Variants in LAT2 observed in about 807,000 individuals in gnomAD.
The protein encoded by LAT2 is linker for activation of T cells family member 2, also known as linker for activation of T-cells family member 2.
Under a neutral mutation model 43.4 loss-of-function variants are expected in LAT2, and 23 were observed. The observed-to-expected ratio is 0.53, with a 90% CI of 0.38 to 0.75. The LOEUF (loss-of-function observed/expected upper bound fraction) is 0.75, where lower values mean the gene tolerates loss of function less well. LAT2 is among the 30% of genes least tolerant of loss of function. The probability of loss-of-function intolerance (pLI) is 0.00; values close to 1 mark genes in which losing one functional copy is unlikely to be tolerated. For missense variants in LAT2, 284 were observed against 310.2 expected (o/e 0.92, Z 0.64); for synonymous variants, 128 against 123.2 (o/e 1.04, Z -0.26).
intron 13 of LAT2, among the ~76,000 whole-genome samples, chr7:74,227,895 G>A (rs1802547977): frequency 6.6e-6 from 1 of 151,706 alleles, no homozygotes; most frequent in Admixed American, 6.6e-5. Context: ...AAAAGAAGAG[G>A]CCAGGCGCAG....
intron 1 of LAT2, among the ~76,000 whole-genome samples, chr7:74,213,296 CT>C (rs1801794024): frequency 1.3e-5 from 2 of 149,240 alleles, no homozygotes; most frequent in South Asian, 2.1e-4. Context: ...TTTTTGTATT[CT>C]TTTTTAGTAG....
chr7:74,218,175 CCT>C (rs1802111873), intron 4 of LAT2, among the ~76,000 whole-genome samples: 1 of 152,202 alleles, frequency 6.6e-6, no homozygotes, highest in African/African-American at 2.4e-5. Flanking sequence ...CCTGTGCCTG[CCT>C]CTCCATCTGT....
chr7:74,222,024 G>C (rs1028030137), intron 10 of LAT2, among the ~76,000 whole-genome samples: 8 of 151,940 alleles, frequency 5.3e-5, no homozygotes, highest in African/African-American at 1.9e-4. Flanking sequence ...AGGTACCTGG[G>C]ATGGTGATCC....
At chr7:74,221,353 T>G (rs1219166812) in intron 9 of LAT2, among the ~76,000 whole-genome samples, 1 of 140,836 alleles carries the variant, frequency 7.1e-6, no homozygotes, top group Admixed American at 7.8e-5. Flanking sequence ...AGGCTGAGGT[T>G]GCAGTGAGCC....
rs782507800 is a variant in LAT2, at chr7:74,220,242, C to T, written c.253C>T (p.Pro85Ser). Residue 85 changes from proline to serine, a missense_variant, in exon 7 of 14, where the codon CCC (proline) becomes TCC (serine). Coordinates refer to ENST00000460943, the MANE Select transcript of LAT2 (RefSeq NM_032464.3). This position sits in a 1 kb window ranked among gnomAD's most constrained non-coding sequence, Gnocchi z 4.5. Reference protein sequence around the residue: ...TRKDKLLQFYPSLEDPASSRY... With the variant: ...TRKDKLLQFYSSLEDPASSRY... ...GAAGGACAAGCTGTTGCAATTCTACCCCAGCCTGGAGGGTGAGTGGCACAG... is the reference window on the plus strand; with the variant it reads ...GAAGGACAAGCTGTTGCAATTCTACTCCAGCCTGGAGGGTGAGTGGCACAG... 6.2e-6 allele frequency: 10 copies of T among 1,611,626 alleles called. No individual in the cohort carries two copies. The South Asian group carries it at 9.9e-5, about 16-fold the overall frequency.
At chr7:74,221,582 C>G in intron 9 of LAT2, 55 bp from the exon 10 acceptor site, 4 of 1,493,752 alleles carry the variant, frequency 2.7e-6, no homozygotes, top group Non-Finnish European at 3.7e-6. Flanking sequence ...ATGGAGCCCC[C>G]AACCCGATCT....
At chr7:74,221,585 C>A in intron 9 of LAT2, 52 bp from the exon 10 acceptor site, 1 of 1,512,542 alleles carries the variant, frequency 6.6e-7, no homozygotes, top group South Asian at 1.2e-5. Flanking sequence ...GAGCCCCCAA[C>A]CCGATCTCCA....
Position 74,220,826 on chromosome 7 carries a change from G to A in LAT2, c.332+92G>A, listed in dbSNP as rs1481086069. ...ACCTCTCCCCCTGCCCCACCTGCCTGCCACAGCCCTGGGCTTCCTGGTCCA... is the reference window on the plus strand; with the variant it reads ...ACCTCTCCCCCTGCCCCACCTGCCTACCACAGCCCTGGGCTTCCTGGTCCA... On this transcript the variant is annotated intron_variant, in intron 9 of 13. Coordinates refer to ENST00000460943, the MANE Select transcript of LAT2 (RefSeq NM_032464.3). This position sits in a 1 kb window ranked among gnomAD's most constrained non-coding sequence, Gnocchi z 4.5. The A allele has an allele frequency of 8.7e-7, 1 of 1,151,012 alleles. No homozygotes were observed. The highest frequency in any genetic ancestry group is 1.2e-6 in the Non-Finnish European group (1 of 836,694). The allele number at this position is 1,151,012 out of a possible 1,614,324, so 71.3% of individuals were successfully genotyped here.
rs1584208681 is a variant in LAT2 at position 74,214,376 on chromosome 7, A to AC, written c.-218-446_-218-445insC. On this transcript the variant is annotated intron_variant, in intron 1 of 13. Transcript: ENST00000460943. ...TATATATATAAATATATATATATGA[A>AC]AATATATATATAAATATATATATAT... Among the ~76,000 whole-genome samples the AC allele has an allele frequency of 9.6e-5, 7 of 73,118 alleles. 2 individuals carry two copies. Among genetic ancestry groups the AC allele is most frequent in the African/African-American group, 2.5e-4 (5 of 19,840 alleles). The allele number at this position is 73,118 out of a possible 152,430, so 48.0% of individuals were successfully genotyped here. A position where few individuals can be genotyped will look rare whatever the true frequency, so the allele number is the denominator to read the frequency against.
In LAT2 at chr7:74,214,117, T is replaced by TATATATATAAATATATATATGAAA. The variant is rs1478698359; in HGVS notation, c.-218-671_-218-648dup. 3.0e-3 allele frequency among the ~76,000 whole-genome samples: 279 copies of TATATATATAAATATATATATGAAA among 93,878 alleles called. 7 individuals carry two copies. Among genetic ancestry groups the TATATATATAAATATATATATGAAA allele is most frequent in the Middle Eastern group, 0.013 (2 of 150 alleles). The allele number at this position is 93,878 out of a possible 152,430, so 61.6% of individuals were successfully genotyped here. On this transcript the variant is annotated intron_variant, in intron 1 of 13. Coordinates refer to ENST00000460943, the MANE Select transcript of LAT2 (RefSeq NM_032464.3). Reference sequence around the variant, plus strand: ...ATATATATAAATATATATATGAAAATATATATATAAATATATATATGAAAA... The same window carrying TATATATATAAATATATATATGAAA: ...ATATATATAAATATATATATGAAAATATATATATAAATATATATATGAAAATATATATAAATATATATATGAAAA...
intron 9 of LAT2, among the ~76,000 whole-genome samples, chr7:74,221,226 G>A (rs1481411351): frequency 6.6e-6 from 1 of 151,964 alleles, no homozygotes; most frequent in East Asian, 1.9e-4. Context: ...GACCAGCCTC[G>A]CCAACATGGT....
chr7:74,213,110 C>CATT (rs573884115), intron 1 of LAT2, among the ~76,000 whole-genome samples: 127 of 151,788 alleles, frequency 8.4e-4, no homozygotes, highest in African/African-American at 1.4e-3. Context: ...GGAGCTCCTC[C>CATT]ATTATTATTA....
intron 13 of LAT2, among the ~76,000 whole-genome samples, chr7:74,228,128 A>T (rs1389529594): frequency 1.5e-5 from 2 of 133,208 alleles, no homozygotes; most frequent in East Asian, 5.0e-4. Flanking sequence ...GTGAGCTAAG[A>T]TCGCACCATT....
Position 74,222,637 on chromosome 7 carries a change from G to A in LAT2, c.388+945G>A, listed in dbSNP as rs573159995. Among the ~76,000 whole-genome samples, 108 of 151,546 alleles carry A rather than the reference G, an allele frequency of 7.1e-4. 1 individual carries two copies. Among genetic ancestry groups the A allele is most frequent in the African/African-American group, 2.5e-3 (104 of 41,358 alleles). On this transcript the variant is annotated intron_variant, in intron 10 of 13. Coordinates refer to ENST00000460943, the MANE Select transcript of LAT2 (RefSeq NM_032464.3). ...TCACCCAGGTTGAGTACAATGTCAC[G>A]ATCTTGGTTCACTGCAACCTCCGCC... is the stretch of plus-strand genomic sequence containing the variant.
intron 1 of LAT2, among the ~76,000 whole-genome samples, chr7:74,213,830 C>A (rs376129434): frequency 6.6e-6 from 1 of 151,568 alleles, no homozygotes; most frequent in Non-Finnish European, 1.5e-5. Flanking sequence ...AAGAACACGG[C>A]GGGTGGGGGA....
At chr7:74,219,149 G>A (rs1474631064) in intron 4 of LAT2, among the ~76,000 whole-genome samples, 3 of 146,950 alleles carry the variant, frequency 2.0e-5, no homozygotes, top group Admixed American at 1.4e-4. Flanking sequence ...CCATTCTCCT[G>A]CCTCAGCCTC....
At chr7:74,223,657 C>T (rs1274906084) in intron 10 of LAT2, 67 bp from the exon 11 acceptor site, 33 of 1,440,836 alleles carry the variant, frequency 2.3e-5, no homozygotes, top group African/African-American at 9.9e-5. Flanking sequence ...CAGGACAGAG[C>T]GGGAGGATGA....
At chr7:74,215,833 G>T (rs1239840372) in intron 2 of LAT2, 114 bp from the exon 3 acceptor site, 6 of 740,508 alleles carry the variant, frequency 8.1e-6, no homozygotes, top group African/African-American at 3.4e-5. Context: ...GCGGGGAGGG[G>T]AGGTGGTGTT....
intron 4 of LAT2, among the ~76,000 whole-genome samples, 166 bp downstream of exon 4, chr7:74,217,030 G>A (rs1802071123): frequency 6.6e-6 from 1 of 152,242 alleles, no homozygotes; most frequent in Middle Eastern, 3.4e-3. Flanking sequence ...AGTGTCCAGG[G>A]GCTGTCCAGG....
Sources: allele counts gnomAD v4.1 joint callset (sites outside exome capture counted in the v4.1 genomes callset), GRCh38; gene constraint gnomAD v4.1.1; non-coding constraint Gnocchi (gnomAD v3.1); transcripts MANE v1.5; gene names NCBI Gene and HGNC (gene_info 2026-07-23, HGNC 2026-07-21).